Variants in DMRT1 observed in about 807,000 individuals in gnomAD.
The protein encoded by DMRT1 is doublesex- and mab-3-related transcription factor 1.
In DMRT1, 7 loss-of-function variants were observed where a neutral mutation model predicts 32.3. The ratio of observed to expected loss-of-function variants is 0.22; its 90% CI spans 0.12 to 0.41. DMRT1 has a LOEUF of 0.41. Ranked by LOEUF, DMRT1 falls within the 10% of genes least tolerant of loss-of-function variation. The pLI, the probability that DMRT1 is intolerant of heterozygous loss-of-function variation, is 1.00. For missense variants in DMRT1, 625 were observed against 500.5 expected (o/e 1.25, Z -2.37); for synonymous variants, 278 against 206.1 (o/e 1.35, Z -2.99).
intron 4 of DMRT1, among the ~76,000 whole-genome samples, chr9:952,798 G>T (rs949336363): frequency 6.6e-6 from 1 of 152,212 alleles, no homozygotes; most frequent in Non-Finnish European, 1.5e-5. Context: ...GTGTGGGTTG[G>T]AGTCAGTGCC....
At chr9:844,784 G>A (rs1359680985) in intron 1 of DMRT1, among the ~76,000 whole-genome samples, 1 of 143,698 alleles carries the variant, frequency 7.0e-6, no homozygotes, top group Non-Finnish European at 1.5e-5. Flanking sequence ...GCAGTGGCAT[G>A]ATTTCAGCTC....
intron 4 of DMRT1, among the ~76,000 whole-genome samples, chr9:925,750 A>G (rs1188516247): frequency 6.6e-6 from 1 of 152,164 alleles, no homozygotes; most frequent in Non-Finnish European, 1.5e-5. Context: ...TCATTTAATT[A>G]TCTGGATAAT....
At chr9:966,571 G>A (rs187055410) in intron 4 of DMRT1, among the ~76,000 whole-genome samples, 1 of 152,102 alleles carries the variant, frequency 6.6e-6, no homozygotes, top group African/African-American at 2.4e-5. Flanking sequence ...TTGTCTATCT[G>A]TCTACCCATA....
At chr9:862,439 G>C (rs1242853315) in intron 2 of DMRT1, among the ~76,000 whole-genome samples, 2 of 149,228 alleles carry the variant, frequency 1.3e-5, no homozygotes, top group African/African-American at 2.5e-5. Flanking sequence ...GCAGTGAGCC[G>C]AGATGGCGGC....
chr9:912,130 C>T (rs1818012433), intron 3 of DMRT1, among the ~76,000 whole-genome samples: 1 of 152,208 alleles, frequency 6.6e-6, no homozygotes, highest in African/African-American at 2.4e-5. Flanking sequence ...CACAAGGCAG[C>T]AGGAGAGAGG....
intron 4 of DMRT1, among the ~76,000 whole-genome samples, chr9:921,056 A>G (rs10759042): frequency 0.54 from 82,246 of 152,070 alleles, 25,497 homozygotes; most frequent in South Asian, 0.71. Flanking sequence ...AACCATAATT[A>G]AAGTGTACAA....
Position 841,927 on chromosome 9 carries a change from G to A in DMRT1, c.89G>A (p.Gly30Asp). 6.2e-7 allele frequency: 1 copy of A among 1,606,578 alleles called. No homozygotes were observed. Among genetic ancestry groups the A allele is most frequent in the Non-Finnish European group, 8.5e-7 (1 of 1,176,690 alleles). ...PGVPPQGRAG[G>D]FGKASGALVG... ...GTACCGCCGCAGGGCAGAGCCGGGG[G>A]CTTTGGCAAAGCGTCTGGGGCGCTA... The change falls in exon 1 of 5, where the codon GGC (glycine) becomes GAC (aspartate). Residue 30 changes from glycine (G) to aspartate (D), a missense_variant. Physicochemically the swap from Gly to Asp is moderately conservative, Grantham distance 94. Around this residue, in one of 3 missense-constraint regions of DMRT1, gnomAD observed 201 missense variants for 152.0 expected, o/e 1.32. Transcript: ENST00000382276.
At chr9:949,632 A>G (rs1028396212) in intron 4 of DMRT1, among the ~76,000 whole-genome samples, 1 of 152,200 alleles carries the variant, frequency 6.6e-6, no homozygotes, top group South Asian at 2.1e-4. Context: ...AAAATACAGT[A>G]TTGTTAACTG....
At chr9:845,297 C>T (rs969075664) in intron 1 of DMRT1, among the ~76,000 whole-genome samples, 7 of 152,100 alleles carry the variant, frequency 4.6e-5, no homozygotes, top group African/African-American at 7.2e-5. Flanking sequence ...GCAACCTCCA[C>T]CTCCTGGCTT....
chr9:896,607 G>A (rs1382549473), intron 3 of DMRT1, among the ~76,000 whole-genome samples: 1 of 152,186 alleles, frequency 6.6e-6, no homozygotes, highest in Middle Eastern at 3.4e-3. Context: ...GAGGTCAGGA[G>A]TTCAAGACCT....
chr9:931,037 C>T (rs139449753), intron 4 of DMRT1, among the ~76,000 whole-genome samples: 1 of 152,322 alleles, frequency 6.6e-6, no homozygotes, highest in East Asian at 1.9e-4. Context: ...CTCCCAGCCC[C>T]TGCCAAAATA....
intron 3 of DMRT1, among the ~76,000 whole-genome samples, chr9:913,959 G>A (rs1818081032): frequency 6.6e-6 from 1 of 152,072 alleles, no homozygotes; most frequent in South Asian, 2.1e-4. Context: ...TGAGAGGAAG[G>A]ATCACGTATT....
At chr9:953,420 T>G (rs1350727761) in intron 4 of DMRT1, among the ~76,000 whole-genome samples, 1 of 152,236 alleles carries the variant, frequency 6.6e-6, no homozygotes, top group Non-Finnish European at 1.5e-5. Flanking sequence ...TCGCCATCAT[T>G]GAGAAATGAT....
chr9:856,897 G>C (rs968406679), intron 2 of DMRT1, among the ~76,000 whole-genome samples: 1 of 152,178 alleles, frequency 6.6e-6, no homozygotes, highest in East Asian at 1.9e-4. Context: ...GTTTTTTTAA[G>C]TTACAAGGGA....
rs781276476 is a variant in DMRT1 at position 894,060 on chromosome 9, G to A, written c.687G>A (p.Pro229=). ...FPYYNNLYNC[P]QYSMALAADS... ...ATTACAACAATCTATACAACTGCCCGCAGTACTCCATGGCCTTGGCTGCTG... is the reference window on the plus strand; with the variant it reads ...ATTACAACAATCTATACAACTGCCCACAGTACTCCATGGCCTTGGCTGCTG... Residue 229 remains proline, a synonymous_variant, in exon 3 of 5, where the codon CCG becomes CCA. Transcript: ENST00000382276. The A allele has an allele frequency of 4.3e-6, 7 of 1,614,242 alleles. No individual in the cohort carries two copies. In the South Asian group the frequency reaches 4.4e-5, roughly 10 times the overall value.
chr9:955,440 C>G (rs979260692), intron 4 of DMRT1, among the ~76,000 whole-genome samples: 18 of 152,318 alleles, frequency 1.2e-4, no homozygotes, highest in East Asian at 7.7e-4. Context: ...TGTGGTGGCT[C>G]ACGCCTGTAA....
At chr9:850,330 G>A (rs1839090893) in intron 2 of DMRT1, among the ~76,000 whole-genome samples, 1 of 152,144 alleles carries the variant, frequency 6.6e-6, no homozygotes, top group Admixed American at 6.5e-5. Flanking sequence ...GTGGGGGAGA[G>A]CCAAAAAAAC....
At chr9:846,070 C>G (rs1279135961) in intron 1 of DMRT1, among the ~76,000 whole-genome samples, 1 of 140,238 alleles carries the variant, frequency 7.1e-6, no homozygotes, top group Non-Finnish European at 1.5e-5. Flanking sequence ...CTTGTTTTGT[C>G]GCCCAGGCTG....
chr9:968,291 A>C lies in DMRT1; in HGVS notation c.*152A>C. 2 of 886,142 alleles carry C rather than the reference A, an allele frequency of 2.3e-6. No homozygotes were observed. Among genetic ancestry groups the C allele is most frequent in the Non-Finnish European group, 3.5e-6 (2 of 573,720 alleles). 54.9% of individuals were successfully genotyped at this position (886,142 alleles called of 1,614,324 possible). A position where few individuals can be genotyped will look rare whatever the true frequency, so the allele number is the denominator to read the frequency against. On this transcript the variant is annotated 3_prime_UTR_variant, in exon 5 of 5. Transcript: ENST00000382276. ...CTTAGAGTTTAGTCCAGAGGCTGTA[A>C]CACATTTGTAATACTTTAGGGTCCG... is the stretch of plus-strand genomic sequence containing the variant.
Sources: allele counts gnomAD v4.1 joint callset (sites outside exome capture counted in the v4.1 genomes callset), GRCh38; gene constraint gnomAD v4.1.1; regional missense constraint gnomAD v4.1.1; transcripts MANE v1.5; gene names NCBI Gene and HGNC (gene_info 2026-07-23, HGNC 2026-07-21).